The following EBF1 variants were observed in gnomAD, a reference collection of about 807,000 sequenced individuals.
EBF1 encodes the protein EBF transcription factor 1, also known as transcription factor COE1.
Under a neutral mutation model 68.4 loss-of-function variants are expected in EBF1, and 10 were observed. The ratio of observed to expected loss-of-function variants is 0.15; its 90% CI spans 0.09 to 0.25. The LOEUF (loss-of-function observed/expected upper bound fraction) is 0.25. Among genes scored for constraint, EBF1 ranks in the 10% least tolerant of loss-of-function variants. The pLI is 1.00. For missense variants in EBF1, 509 were observed against 794.4 expected, an observed-to-expected ratio of 0.64 and a Z score of 4.32; for synonymous variants, 298 against 299.8, an observed-to-expected ratio of 0.99 and a Z score of 0.06.
rs945277833 is a variant in EBF1, at chr5:158,697,888, GATA to G, written c.*1220_*1222del. On this transcript the variant is annotated 3_prime_UTR_variant, in exon 16 of 16. Coordinates refer to ENST00000313708, the MANE Select transcript of EBF1 (RefSeq NM_024007.5). ...TTCTTATTTTTAAGAACACTTCCCA[GATA>G]ATGAGAGCAAAAATTCCCATAGAAC... The G allele has an allele frequency of 4.8e-6, 1 of 207,544 alleles. No individual in the cohort carries two copies. The highest frequency in any genetic ancestry group is 5.9e-5 in the Admixed American group (1 of 16,820). 12.9% of individuals were successfully genotyped at this position (207,544 alleles called of 1,614,324 possible).
chr5:158,760,407 C>T (rs1771153499), intron 10 of EBF1, among the ~76,000 whole-genome samples: 1 of 152,108 alleles, frequency 6.6e-6, no homozygotes, highest in South Asian at 2.1e-4. Context: ...AGATGAAGAT[C>T]TGTTCGGCCC....
chr5:158,985,340 C>T (rs756300993), intron 6 of EBF1, among the ~76,000 whole-genome samples: 1 of 152,168 alleles, frequency 6.6e-6, no homozygotes, highest in Non-Finnish European at 1.5e-5. Flanking sequence ...AAAGTTAGAT[C>T]AGTGTTTTCA....
intron 6 of EBF1, among the ~76,000 whole-genome samples, chr5:158,989,351 G>A (rs1263624471): frequency 2.0e-5 from 3 of 152,210 alleles, no homozygotes; most frequent in Non-Finnish European, 4.4e-5. Flanking sequence ...TAGGGTGGGA[G>A]ATTGCTGCTC....
At chr5:159,073,270 G>A (rs559650322) in intron 6 of EBF1, 126 bp downstream of exon 6, 36 of 935,392 alleles carry the variant, frequency 3.8e-5, no homozygotes, top group Admixed American at 1.3e-4. Context: ...TCAGCACAGC[G>A]TAAGTCATGA....
chr5:158,840,923 G>A (rs1022645902), intron 6 of EBF1, among the ~76,000 whole-genome samples: 13 of 151,588 alleles, frequency 8.6e-5, no homozygotes, highest in African/African-American at 2.4e-4. Context: ...CGCCCGCCTC[G>A]GCCTCCCAAA....
chr5:158,706,043 T>A (rs1581170462), intron 15 of EBF1, among the ~76,000 whole-genome samples: 1 of 152,224 alleles, frequency 6.6e-6, no homozygotes, highest in East Asian at 1.9e-4. Flanking sequence ...ATATCCCTAG[T>A]TTGCCAGCTG....
At chr5:159,086,728 A>G (rs1041574227) in intron 4 of EBF1, among the ~76,000 whole-genome samples, 13 of 152,128 alleles carry the variant, frequency 8.5e-5, no homozygotes, top group African/African-American at 3.1e-4. Flanking sequence ...ATCATGAGCC[A>G]GGTTTCCCCA....
chr5:159,034,434 A>C (rs994295186), intron 6 of EBF1, among the ~76,000 whole-genome samples: 1 of 152,178 alleles, frequency 6.6e-6, no homozygotes, highest in Non-Finnish European at 1.5e-5. Context: ...AAGGTTGTAC[A>C]CTAAAGGCAG....
intron 6 of EBF1, among the ~76,000 whole-genome samples, chr5:159,065,366 G>T (rs962040557): frequency 3.3e-5 from 5 of 152,190 alleles, no homozygotes; most frequent in Non-Finnish European, 4.4e-5. Flanking sequence ...CAAAGGCGGA[G>T]AATTCACGGC....
intron 11 of EBF1, among the ~76,000 whole-genome samples, chr5:158,724,017 A>T (rs775733163): frequency 6.6e-6 from 1 of 152,174 alleles, no homozygotes; most frequent in Non-Finnish European, 1.5e-5. Flanking sequence ...AAAGAAATAT[A>T]AGTAGTAGTG....
chr5:159,097,155 A>G (rs745697498), intron 1 of EBF1, 25 bp from the exon 2 acceptor site: 1 of 1,610,062 alleles, frequency 6.2e-7, no homozygotes, highest in Admixed American at 1.7e-5. Context: ...GCAGAGTTAG[A>G]TGGCTAAACC....
intron 4 of EBF1, among the ~76,000 whole-genome samples, chr5:159,087,951 T>C (rs952760209): frequency 6.6e-6 from 1 of 152,082 alleles, no homozygotes; most frequent in Admixed American, 6.6e-5. Context: ...TATAGAACAA[T>C]ATTTTTCAGC....
intron 6 of EBF1, among the ~76,000 whole-genome samples, chr5:159,067,534 G>A (rs570954721): frequency 6.6e-6 from 1 of 152,122 alleles, no homozygotes; most frequent in Non-Finnish European, 1.5e-5. Flanking sequence ...CAGCGTATTC[G>A]AAATGCATTT....
At chr5:159,043,693 G>C (rs1771725855) in intron 6 of EBF1, among the ~76,000 whole-genome samples, 1 of 152,252 alleles carries the variant, frequency 6.6e-6, no homozygotes, top group Admixed American at 6.5e-5. Flanking sequence ...AAAAGAGAGA[G>C]AGACCAAAAT....
intron 1 of EBF1, chr5:159,097,398 C>A: frequency 2.0e-6 from 1 of 500,730 alleles, no homozygotes; most frequent in South Asian, 2.9e-5. Context: ...GTTTTGCGCG[C>A]GAGATGAAAC....
intron 11 of EBF1, among the ~76,000 whole-genome samples, chr5:158,727,767 G>C (rs1763289121): frequency 1.3e-5 from 2 of 152,220 alleles, no homozygotes. Context: ...AAATGGTAAA[G>C]ATGTCTGCTG....
chr5:159,075,817 G>A (rs1778678398), intron 5 of EBF1, among the ~76,000 whole-genome samples: 1 of 152,108 alleles, frequency 6.6e-6, no homozygotes, highest in Non-Finnish European at 1.5e-5. Flanking sequence ...AACTTGCCAA[G>A]CTCCTACCGC....
At chr5:158,945,096 T>C (rs537017830) in intron 6 of EBF1, among the ~76,000 whole-genome samples, 11 of 152,366 alleles carry the variant, frequency 7.2e-5, no homozygotes, top group Admixed American at 5.2e-4. Context: ...TTTGTCAATG[T>C]TGGCTTTTGT....
intron 6 of EBF1, among the ~76,000 whole-genome samples, chr5:158,848,962 C>T (rs1378077753): frequency 6.6e-6 from 1 of 152,212 alleles, no homozygotes; most frequent in African/African-American, 2.4e-5. Flanking sequence ...CGTTGTCACA[C>T]ATTCATTCAC....
Sources: allele counts gnomAD v4.1 joint callset (sites outside exome capture counted in the v4.1 genomes callset), GRCh38; gene constraint gnomAD v4.1.1; transcripts MANE v1.5; gene names NCBI Gene and HGNC (gene_info 2026-07-23, HGNC 2026-07-21).